Variants in NUP93 observed in about 807,000 individuals in gnomAD.
NUP93 encodes the protein nuclear pore complex protein Nup93.
NUP93 carries 55 observed loss-of-function variants against 107.8 expected under a neutral mutation model. That is an observed-to-expected ratio of 0.51 (90% CI 0.41 to 0.64). The LOEUF is 0.64. NUP93 is among the 30% of genes least tolerant of loss of function. NUP93 has a pLI of 0.00. For synonymous variants in NUP93, 390 were observed against 397.5 expected (o/e 0.98, Z 0.22); for missense variants, 937 against 1,044.7 (o/e 0.90, Z 1.42).
At chr16:56,766,321 G>GC (rs1254613729) in intron 3 of NUP93, among the ~76,000 whole-genome samples, 1 of 152,162 alleles carries the variant, frequency 6.6e-6, no homozygotes, top group Non-Finnish European at 1.5e-5. Flanking sequence ...TCAGATATTG[G>GC]CCAGGCTCTG....
chr16:56,822,442 G>A lies in NUP93; in HGVS notation c.654+849G>A, dbSNP rs114037767. 3.1e-3 allele frequency among the ~76,000 whole-genome samples: 470 copies of A among 151,584 alleles called. 1 individual carries two copies. Among genetic ancestry groups the A allele is most frequent in the African/African-American group, 0.011 (457 of 41,322 alleles). On this transcript the variant is annotated intron_variant, in intron 7 of 21. Coordinates refer to ENST00000308159, the MANE Select transcript of NUP93 (RefSeq NM_014669.5). ...TGGGAGGATTGCCTGAGTCCGGGGG[G>A]GCCCAGGCTGCAGTGAGCCATGATC...
intron 3 of NUP93, among the ~76,000 whole-genome samples, chr16:56,771,378 C>A (rs1174899900): frequency 2.0e-5 from 3 of 152,120 alleles, no homozygotes; most frequent in Non-Finnish European, 4.4e-5. Flanking sequence ...ATTCTTTATA[C>A]CTTGTCGTGT....
Position 56,829,075 on chromosome 16 carries a change from A to G in NUP93, c.893A>G (p.Asn298Ser), listed in dbSNP as rs773426367. The G allele has an allele frequency of 6.2e-7, 1 of 1,613,212 alleles. No individual in the cohort carries two copies. Among genetic ancestry groups the G allele is most frequent in the Non-Finnish European group, 8.5e-7 (1 of 1,179,764 alleles). The part of the protein sequence containing the change: ...GTYQLVRSFL[N>S]IKLPAPLPGL... Reference sequence around the variant, plus strand: ...TACCAATTGGTTCGAAGTTTCCTGAACATTAAACTGCCAGCTCCCTTGCCT... The same window carrying G: ...TACCAATTGGTTCGAAGTTTCCTGAGCATTAAACTGCCAGCTCCCTTGCCT... Residue 298 changes from asparagine to serine, a missense_variant, in exon 9 of 22, where the codon AAC becomes AGC. Transcript: ENST00000308159.
intron 3 of NUP93, among the ~76,000 whole-genome samples, chr16:56,777,025 T>C (rs1962427815): frequency 6.6e-6 from 1 of 152,184 alleles, no homozygotes; most frequent in South Asian, 2.1e-4. Flanking sequence ...AGTGAGCGTG[T>C]GTGTGTGTGC....
intron 16 of NUP93, among the ~76,000 whole-genome samples, 172 bp downstream of exon 16, chr16:56,834,950 T>C (rs1412828598): frequency 6.6e-6 from 1 of 152,264 alleles, no homozygotes; most frequent in Admixed American, 6.5e-5. Context: ...ACCTTGGTTT[T>C]ACACACACTT....
rs1230321236 is a variant in NUP93, at chr16:56,821,547, C to G, written c.608C>G (p.Pro203Arg). 2 of 1,613,490 alleles carry G rather than the reference C, an allele frequency of 1.2e-6. No homozygotes were observed. The highest frequency in any genetic ancestry group is 1.3e-5 in the African/African-American group (1 of 74,992). Reference sequence around the variant, plus strand: ...AAAATTGTAAATGGACACCTGCAGCCTAACCTGGTGGACCTTTGTGCTTCC... The same window carrying G: ...AAAATTGTAAATGGACACCTGCAGCGTAACCTGGTGGACCTTTGTGCTTCC... The part of the protein sequence containing the change: ...NEKIVNGHLQ[P>R]NLVDLCASVA... The change falls in exon 7 of 22, where the codon CCT becomes CGT. Residue 203 changes from proline to arginine, a missense_variant. By Grantham distance (103) the Pro-to-Arg change is moderately radical. Transcript: ENST00000308159.
At chr16:56,779,854 T>C (rs1962481881) in intron 3 of NUP93, among the ~76,000 whole-genome samples, 1 of 152,196 alleles carries the variant, frequency 6.6e-6, no homozygotes, top group Non-Finnish European at 1.5e-5. Context: ...TACTCCCCTG[T>C]AGTGAACCTC....
intron 3 of NUP93, among the ~76,000 whole-genome samples, chr16:56,779,117 A>G (rs549948493): frequency 3.3e-5 from 5 of 152,278 alleles, no homozygotes; most frequent in East Asian, 3.9e-4. Flanking sequence ...AGTACTATTG[A>G]TCTTCCCAGC....
chr16:56,760,026 A>G (rs1287555095), intron 3 of NUP93, among the ~76,000 whole-genome samples: 1 of 152,200 alleles, frequency 6.6e-6, no homozygotes, highest in Non-Finnish European at 1.5e-5. Context: ...AGGTTTGTAA[A>G]TGTATTGAGT....
intron 10 of NUP93, 194 bp from the exon 11 acceptor site, chr16:56,831,648 A>G: frequency 1.8e-6 from 1 of 551,270 alleles, no homozygotes; most frequent in Non-Finnish European, 3.2e-6. Context: ...GCCAATAGAT[A>G]CAGGTGCAGG....
At chr16:56,736,967 C>G (rs564731352) in intron 1 of NUP93, among the ~76,000 whole-genome samples, 58 of 152,304 alleles carry the variant, frequency 3.8e-4, no homozygotes, top group African/African-American at 1.3e-3. Flanking sequence ...TTGTTTCTTG[C>G]TAAGTCAGTG....
At chr16:56,839,431 T>G in intron 19 of NUP93, 90 bp from the exon 20 acceptor site, 1 of 981,104 alleles carries the variant, frequency 1.0e-6, no homozygotes. Flanking sequence ...AAGAAGCCCT[T>G]TGGAGTATGT....
intron 5 of NUP93, 54 bp downstream of exon 5, chr16:56,805,686 A>G: frequency 6.4e-7 from 1 of 1,554,872 alleles, no homozygotes; most frequent in Non-Finnish European, 8.8e-7. Context: ...AAGTCAAAGA[A>G]TACTTGTCTA....
At chr16:56,808,021 CAAAAAATATA>C (rs1261610123) in intron 5 of NUP93, among the ~76,000 whole-genome samples, 1 of 141,080 alleles carries the variant, frequency 7.1e-6, no homozygotes, top group Non-Finnish European at 1.5e-5. Context: ...AACTCCGTCT[CAAAAAATATA>C]TATAAATATA....
chr16:56,803,233 C>A (rs537002345), intron 4 of NUP93, among the ~76,000 whole-genome samples: 7 of 152,072 alleles, frequency 4.6e-5, no homozygotes, highest in Non-Finnish European at 8.8e-5. Flanking sequence ...CCAAGGCGGT[C>A]GGATCACTTG....
chr16:56,754,195 A>G (rs1333486795), intron 2 of NUP93, among the ~76,000 whole-genome samples: 2 of 151,486 alleles, frequency 1.3e-5, no homozygotes, highest in Non-Finnish European at 2.9e-5. Context: ...TCATGAGAAC[A>G]GCAAAGGGGA....
intron 5 of NUP93, among the ~76,000 whole-genome samples, chr16:56,813,737 A>T (rs1386638247): frequency 6.6e-6 from 1 of 152,206 alleles, no homozygotes; most frequent in Non-Finnish European, 1.5e-5. Flanking sequence ...GTATCATTTT[A>T]TATATTAGTT....
At chr16:56,799,961 C>A (rs574911069) in intron 4 of NUP93, among the ~76,000 whole-genome samples, 1 of 152,226 alleles carries the variant, frequency 6.6e-6, no homozygotes, top group East Asian at 1.9e-4. Flanking sequence ...GGCAGGTGGA[C>A]CACTTGAGGT....
chr16:56,827,071 T>TAAAAAAAAAAA (rs1567407800), intron 8 of NUP93, among the ~76,000 whole-genome samples: 58 of 69,256 alleles, frequency 8.4e-4, no homozygotes, highest in African/African-American at 2.9e-3. Context: ...AAAAAAAAAT[T>TAAAAAAAAAAA]TTGTTGAGTC....
Sources: allele counts gnomAD v4.1 joint callset (sites outside exome capture counted in the v4.1 genomes callset), GRCh38; gene constraint gnomAD v4.1.1; transcripts MANE v1.5; gene names NCBI Gene and HGNC (gene_info 2026-07-23, HGNC 2026-07-21).